The following GPR55 variants were observed in gnomAD, a reference collection of about 807,000 sequenced individuals.
GPR55 encodes G-protein coupled receptor 55.
GPR55 carries 6 observed loss-of-function variants against 7.9 expected under a neutral mutation model. The observed-to-expected ratio is 0.76, with a 90% CI of 0.41 to 1.49. The LOEUF is 1.49. Among genes scored for constraint, GPR55 ranks in the 40% most tolerant of loss-of-function variants. The pLI is 0.01. For synonymous variants in GPR55, 183 were observed against 166.8 expected (o/e 1.10, Z -0.75); for missense variants, 376 against 406.0 (o/e 0.93, Z 0.63).
chr2:230,941,495 C>T (rs1691232656), intron 1 of GPR55, among the ~76,000 whole-genome samples: 1 of 152,240 alleles, frequency 6.6e-6, no homozygotes, highest in Non-Finnish European at 1.5e-5. Context: ...CCATGGTGAG[C>T]TGTGTGCCCA....
rs578029948 is a variant in GPR55 at position 230,941,021 on chromosome 2, G to A, written c.-135+19754C>T. 1.0e-3 allele frequency among the ~76,000 whole-genome samples: 156 copies of A among 152,282 alleles called. 2 individuals carry two copies. The highest frequency in any genetic ancestry group is 3.6e-3 in the African/African-American group (148 of 41,568). ...AGTCCCAGCTACTCAGGAGTCTGAG[G>A]CAGGAGAATTGCTTGAACCCAGGAG... is the stretch of plus-strand genomic sequence containing the variant. On this transcript the variant is annotated intron_variant, in intron 1 of 1. Transcript: ENST00000392039.
intron 1 of GPR55, chr2:230,960,731 C>T (rs931439550): frequency 2.0e-5 from 3 of 152,150 alleles, no homozygotes; most frequent in African/African-American, 7.2e-5. Flanking sequence ...AGCACCCACC[C>T]TAAAAATAGA....
rs191701720 is a variant in GPR55, at chr2:230,945,666, G to A, written c.-135+15109C>T. On this transcript the variant is annotated intron_variant, in intron 1 of 1. Coordinates refer to the GPR55 transcript ENST00000392039. The stretch of plus-strand genomic sequence containing the variant: ...CGGCTCACTGCAAGCTCCACCTCCC[G>A]GGTTCACGCCATTCTCCTTCCTCAG... 6.9e-4 allele frequency among the ~76,000 whole-genome samples: 105 copies of A among 152,240 alleles called. 2 individuals carry two copies. In the East Asian group the frequency reaches 0.02, roughly 29 times the overall value.
intron 1 of GPR55, among the ~76,000 whole-genome samples, chr2:230,939,865 G>A (rs1029156064): frequency 6.6e-6 from 1 of 152,046 alleles, no homozygotes; most frequent in African/African-American, 2.4e-5. Context: ...CCACCCAGGG[G>A]CAAGCAGGCT....
chr2:230,953,893 A>G (rs1466075623), intron 1 of GPR55, among the ~76,000 whole-genome samples: 1 of 152,196 alleles, frequency 6.6e-6, no homozygotes, highest in Non-Finnish European at 1.5e-5. Flanking sequence ...GAAGGCTGGC[A>G]GTCCCCTCCA....
chr2:230,943,357 C>T (rs186965808), intron 1 of GPR55, among the ~76,000 whole-genome samples: 1 of 152,310 alleles, frequency 6.6e-6, no homozygotes, highest in Non-Finnish European at 1.5e-5. Context: ...TGCACCTCCT[C>T]TCCTCTCCCA....
At chr2:230,941,774 T>G (rs924267660) in intron 1 of GPR55, among the ~76,000 whole-genome samples, 1 of 152,240 alleles carries the variant, frequency 6.6e-6, no homozygotes, top group Non-Finnish European at 1.5e-5. Flanking sequence ...TCAGCTCATG[T>G]CATGCCTTCA....
chr2:230,943,328 G>T (rs1691262706), intron 1 of GPR55, among the ~76,000 whole-genome samples: 1 of 152,124 alleles, frequency 6.6e-6, no homozygotes, highest in African/African-American at 2.4e-5. Flanking sequence ...TTGCCTTCCA[G>T]AGCAGCCCCT....
chr2:230,950,217 T>C (rs561964343), intron 1 of GPR55, among the ~76,000 whole-genome samples: 2 of 152,222 alleles, frequency 1.3e-5, no homozygotes, highest in South Asian at 4.1e-4. Flanking sequence ...TTTTTAAGAG[T>C]GTAAAGGGGT....
chr2:230,933,285 C>T (rs1438655353), intron 1 of GPR55, among the ~76,000 whole-genome samples: 6 of 152,204 alleles, frequency 3.9e-5, no homozygotes, highest in Non-Finnish European at 8.8e-5. Flanking sequence ...GGCCTCCAGC[C>T]ACCTGGGCAG....
At chr2:230,936,379 T>C (rs766250693) in intron 1 of GPR55, among the ~76,000 whole-genome samples, 6 of 152,146 alleles carry the variant, frequency 3.9e-5, no homozygotes, top group Non-Finnish European at 7.4e-5. Context: ...GTTCTCATGA[T>C]AGTGAGTGAG....
chr2:230,912,878 C>T (rs1015404603), intron 1 of GPR55, among the ~76,000 whole-genome samples: 1 of 152,168 alleles, frequency 6.6e-6, no homozygotes, highest in Admixed American at 6.5e-5. Context: ...CTCCTTGTAC[C>T]CTAAGGCCTC....
At chr2:230,931,441 G>A (rs1464695559) in intron 1 of GPR55, among the ~76,000 whole-genome samples, 4 of 152,194 alleles carry the variant, frequency 2.6e-5, no homozygotes, top group Non-Finnish European at 5.9e-5. Flanking sequence ...ATGCAGAGCT[G>A]GGATTGGGCC....
chr2:230,957,607 G>A, intron 1 of GPR55: 1 of 462,560 alleles, frequency 2.2e-6, no homozygotes, highest in Non-Finnish European at 4.4e-6. Flanking sequence ...CCGCCGCTCC[G>A]GAGCCCGGCG....
chr2:230,912,724 G>A (rs1433782341), intron 1 of GPR55, among the ~76,000 whole-genome samples: 1 of 152,226 alleles, frequency 6.6e-6, no homozygotes, highest in Non-Finnish European at 1.5e-5. Context: ...ACAGGCGGGA[G>A]GCCCCGCACC....
rs1174182542 is a variant in GPR55, at chr2:230,910,921, A to G, written c.42T>C (p.Gly14=). Reference sequence around the variant, plus strand: ...GTAGGGTTTTCATCAGCTCGTTGACACCGTCAAACAGGCAGTCCCCACTGG... The same window carrying G: ...GTAGGGTTTTCATCAGCTCGTTGACGCCGTCAAACAGGCAGTCCCCACTGG... ...QNTSGDCLFD[G]VNELMKTLQF... is the part of the protein sequence containing the mutation. The change falls in exon 2 of 2, where the codon GGT becomes GGC. Residue 14 remains glycine (G), a synonymous_variant. Coordinates refer to ENST00000650999, the MANE Select transcript of GPR55 (RefSeq NM_005683.4). The surrounding 1 kb of genome is among the most constrained non-coding windows in gnomAD (Gnocchi z 5.4). The G allele has an allele frequency of 1.5e-5, 24 of 1,609,688 alleles. No individual in the cohort carries two copies. The highest frequency in any genetic ancestry group is 1.9e-5 in the Non-Finnish European group (22 of 1,176,290).
intron 1 of GPR55, among the ~76,000 whole-genome samples, chr2:230,945,808 G>T (rs1186386145): frequency 6.6e-6 from 1 of 152,160 alleles, no homozygotes; most frequent in African/African-American, 2.4e-5. Context: ...TACTGACCTC[G>T]TGATCCGTCC....
At chr2:230,934,466 C>G (rs1691101938) in intron 1 of GPR55, among the ~76,000 whole-genome samples, 2 of 152,206 alleles carry the variant, frequency 1.3e-5, no homozygotes, top group South Asian at 4.1e-4. Context: ...CCACTGAAAG[C>G]CCCAACCCTG....
chr2:230,938,146 CAAAAAAAA>C (rs59307128), intron 1 of GPR55, among the ~76,000 whole-genome samples: 2 of 19,886 alleles, frequency 1.0e-4, no homozygotes, highest in South Asian at 1.8e-3. Context: ...GACCCTGTCT[CAAAAAAAA>C]AAAAAAAAAA....
Sources: gnomAD v4.1 joint callset for allele counts (sites outside exome capture counted in the v4.1 genomes callset) on GRCh38, gnomAD v4.1.1 for gene constraint, Gnocchi (gnomAD v3.1) non-coding constraint, MANE v1.5 for transcripts, NCBI Gene and HGNC (gene_info 2026-07-23, HGNC 2026-07-21) for gene names.